HDAC7: variants seen among roughly 807,000 people sequenced by gnomAD.
HDAC7 encodes the protein histone deacetylase 7A.
A neutral mutation model predicts 115.5 loss-of-function variants in HDAC7; 26 were observed. The ratio of observed to expected loss-of-function variants is 0.23; its 90% CI spans 0.16 to 0.31. The LOEUF (loss-of-function observed/expected upper bound fraction) is 0.31, where lower values mean the gene tolerates loss of function less well. Ranked by LOEUF, HDAC7 falls within the 10% of genes least tolerant of loss-of-function variation. The pLI, the probability that HDAC7 is intolerant of heterozygous loss-of-function variation, is 1.00. For synonymous variants in HDAC7, 564 were observed against 550.9 expected (o/e 1.02, Z -0.33); for missense variants, 1,068 against 1,329.0 (o/e 0.80, Z 3.05).
In HDAC7 at chr12:47,783,800, G is replaced by A. The variant is rs1399929922; in HGVS notation, c.*41C>T. ...ATTGCCAGGGGTTAGAAGAGAACCA[G>A]GTCCCAAGGGCATGGTGGGCGGGCA... is the stretch of plus-strand genomic sequence containing the variant. On this transcript the variant is annotated 3_prime_UTR_variant, in exon 26 of 26. Transcript: ENST00000080059. 6.3e-7 allele frequency: 1 copy of A among 1,595,888 alleles called. No individual in the cohort carries two copies. The highest frequency in any genetic ancestry group is 8.6e-7 in the Non-Finnish European group (1 of 1,168,928).
rs1943963452 is a variant in HDAC7 at position 47,798,087 on chromosome 12, G to T, written c.461+21C>A. 3.2e-6 allele frequency: 5 copies of T among 1,550,332 alleles called. No individual in the cohort carries two copies. The East Asian group carries it at 1.1e-4, about 35-fold the overall frequency. On this transcript the variant is annotated intron_variant, in intron 5 of 25. Coordinates refer to ENST00000080059, the MANE Select transcript of HDAC7 (RefSeq NM_015401.5). The surrounding 1 kb of genome is among the most constrained non-coding windows in gnomAD (Gnocchi z 4.3). ...TGGAGGGTGCATGTGGGGACAGGAG[G>T]GCAGGTGAGGAGGGTGTTACCTGTA... is the stretch of plus-strand genomic sequence containing the variant.
At chr12:47,809,344 T>C (rs1592692601) in intron 1 of HDAC7, among the ~76,000 whole-genome samples, 1 of 152,302 alleles carries the variant, frequency 6.6e-6, no homozygotes, top group Admixed American at 6.5e-5. Context: ...GAGCGAGATG[T>C]GCCTTCCTCA....
At position 47,797,895 on chromosome 12, in the gene HDAC7, T is replaced by TGTGTGTGTGTGTGAGTGA. The variant is rs35753431; in HGVS notation, c.461+212_461+213insTCACTCACACACACACAC. Among the ~76,000 whole-genome samples the TGTGTGTGTGTGTGAGTGA allele has an allele frequency of 7.0e-6, 1 of 143,354 alleles. No individual in the cohort carries two copies. Among genetic ancestry groups the TGTGTGTGTGTGTGAGTGA allele is most frequent in the African/African-American group, 2.7e-5 (1 of 36,394 alleles). 94.0% of individuals were successfully genotyped at this position (143,354 alleles called of 152,430 possible). On this transcript the variant is annotated intron_variant, in intron 5 of 25. Transcript: ENST00000080059. This position sits in a 1 kb window ranked among gnomAD's most constrained non-coding sequence, Gnocchi z 5.5. ...GTGTGTGTGTGTGTGTGTGTGTGTG[T>TGTGTGTGTGTGTGAGTGA]GAGAAGGGCTCAGGTGGGGTGGGGA...
In HDAC7 at chr12:47,797,227, G is replaced by C. The variant is rs754348329; in HGVS notation, c.578-85C>G. ...CCCCTCAGTCCCAGTCATCTCTATC[G>C]GTCAAGGAAAGAGAAGGCAGAACTA... On this transcript the variant is annotated intron_variant, in intron 6 of 25. Coordinates refer to ENST00000080059, the MANE Select transcript of HDAC7 (RefSeq NM_015401.5). This position sits in a 1 kb window ranked among gnomAD's most constrained non-coding sequence, Gnocchi z 5.5. 1.3e-5 allele frequency: 21 copies of C among 1,557,112 alleles called. 1 individual carries two copies. The Admixed American group carries it at 3.1e-4, about 23-fold the overall frequency.
chr12:47,791,652 G>A lies in HDAC7; in HGVS notation c.1867C>T (p.Arg623Trp), dbSNP rs371014508. 52 of 1,613,210 alleles carry A rather than the reference G, an allele frequency of 3.2e-5. 1 individual carries two copies. The highest frequency in any genetic ancestry group is 7.7e-5 in the South Asian group (7 of 90,988). Reference sequence around the variant, plus strand: ...TTGGTGCCGTAGAGGAGCACGTGCCGCTCAGAGTGGACCGACTGCAGCTCT... The same window carrying A: ...TTGGTGCCGTAGAGGAGCACGTGCCACTCAGAGTGGACCGACTGCAGCTCT... ...LEELQSVHSE[R>W]HVLLYGTNPL... Residue 623 changes from arginine (R) to tryptophan (W), a missense_variant, in exon 15 of 26, where the codon CGG (arginine) becomes TGG (tryptophan). Physicochemically the swap from Arg to Trp is moderately radical, Grantham distance 101 (BLOSUM62 -3). Around this residue, in one of 6 missense-constraint regions of HDAC7, gnomAD observed 618 missense variants for 701.5 expected, o/e 0.88. Coordinates refer to ENST00000080059, the MANE Select transcript of HDAC7 (RefSeq NM_015401.5).
Position 47,783,848 on chromosome 12 carries a change from T to C in HDAC7, c.2969A>G (p.Asn990Ser). Residue 990 changes from asparagine (N) to serine (S), a missense_variant, in exon 26 of 26, where the codon AAT becomes AGT. Physicochemically the swap from Asn to Ser is conservative, Grantham distance 46 (BLOSUM62 1). Around this residue, in one of 6 missense-constraint regions of HDAC7, gnomAD observed 98 missense variants for 123.9 expected, o/e 0.79. Coordinates refer to ENST00000080059, the MANE Select transcript of HDAC7 (RefSeq NM_015401.5). Reference sequence around the variant, plus strand: ...GCAGATGGTTCCAGAGCCTTAGAGATTCATAGGTTCTTCCTCCTCCACCAG... The same window carrying C: ...GCAGATGGTTCCAGAGCCTTAGAGACTCATAGGTTCTTCCTCCTCCACCAG... ...EQLVEEEEPM[N>S]L The C allele has an allele frequency of 2.5e-6, 4 of 1,611,060 alleles. No individual in the cohort carries two copies. Among genetic ancestry groups the C allele is most frequent in the African/African-American group, 1.3e-5 (1 of 74,892 alleles).
In HDAC7 at chr12:47,797,294, CAGCCCG is replaced by C; in HGVS notation, c.577+84_577+89del. ...CTACCGATGATCTCCTGGCCCAGCC[CAGCCCG>C]CCCACCCCTGCACACTCCTCCCCCA... On this transcript the variant is annotated intron_variant, in intron 6 of 25. Transcript: ENST00000080059. This position sits in a 1 kb window ranked among gnomAD's most constrained non-coding sequence, Gnocchi z 5.5. The C allele has an allele frequency of 1.8e-5, 24 of 1,314,666 alleles. No individual in the cohort carries two copies. Among genetic ancestry groups the C allele is most frequent in the Non-Finnish European group, 2.5e-5 (23 of 930,262 alleles). The allele number at this position is 1,314,666 out of a possible 1,614,324, so 81.4% of individuals were successfully genotyped here.
In HDAC7 at chr12:47,798,135, T is replaced by C; in HGVS notation, c.434A>G (p.His145Arg). 3 of 1,613,676 alleles carry C rather than the reference T, an allele frequency of 1.9e-6. 1 individual carries two copies. In the Middle Eastern group the frequency reaches 4.9e-4, roughly 266 times the overall value. Reference protein sequence around the residue: ...KQQAALERTVHPNSPGIPYRT... With the variant: ...KQQAALERTVRPNSPGIPYRT... ...GTAGGGAATGCCGGGGCTGTTGGGA[T>C]GGACTGTTCTTTCTAGGGCCGCCTG... is the stretch of plus-strand genomic sequence containing the variant. The change falls in exon 5 of 26, where the codon CAT becomes CGT. Residue 145 changes from histidine (H) to arginine (R), a missense_variant. Physicochemically the swap from His to Arg is conservative, Grantham distance 29. Transcript: ENST00000080059. This position sits in a 1 kb window ranked among gnomAD's most constrained non-coding sequence, Gnocchi z 4.3.
In HDAC7 at chr12:47,795,370, A is replaced by C. The variant is rs1435417658; in HGVS notation, c.1098T>G (p.Leu366=). The C allele has an allele frequency of 6.3e-7, 1 of 1,598,158 alleles. No individual in the cohort carries two copies. The highest frequency in any genetic ancestry group is 1.7e-5 in the Admixed American group (1 of 57,386). The part of the protein sequence containing the change: ...SHAPLLTVPG[L]GPLPFHFAQS... ...GGGCAAAGTGGAAGGGCAAGGGCCC[A>C]AGCCCGGGCACTGGAAAGAATCGGG... Residue 366 remains leucine (L), a synonymous_variant, in exon 11 of 26, where the codon CTT becomes CTG. Coordinates refer to ENST00000080059, the MANE Select transcript of HDAC7 (RefSeq NM_015401.5). This position sits in a 1 kb window ranked among gnomAD's most constrained non-coding sequence, Gnocchi z 4.3.
At chr12:47,807,286 C>G (rs1381114537) in intron 1 of HDAC7, among the ~76,000 whole-genome samples, 1 of 152,210 alleles carries the variant, frequency 6.6e-6, no homozygotes, top group Non-Finnish European at 1.5e-5. Flanking sequence ...ATGCTCTCTT[C>G]CCTTTCTCTT....
At chr12:47,791,436 G>A in intron 15 of HDAC7, 128 bp from the exon 16 acceptor site, 1 of 1,366,932 alleles carries the variant, frequency 7.3e-7, no homozygotes, top group Non-Finnish European at 1.0e-6. Flanking sequence ...GAGAGGTGGA[G>A]GTGGGCTGAG....
intron 12 of HDAC7, among the ~76,000 whole-genome samples, 158 bp downstream of exon 12, chr12:47,794,602 C>T (rs921241542): frequency 5.3e-5 from 8 of 152,164 alleles, no homozygotes; most frequent in Non-Finnish European, 1.2e-4. Context: ...TGTGCCTACA[C>T]CTTAGTGTGG....
Position 47,797,895 on chromosome 12 carries a change from T to TGTGAGA in HDAC7, c.461+212_461+213insTCTCAC, listed in dbSNP as rs35753431. Among the ~76,000 whole-genome samples, 53 of 143,462 alleles carry TGTGAGA rather than the reference T, an allele frequency of 3.7e-4. 1 individual carries two copies. The highest frequency in any genetic ancestry group is 1.4e-3 in the African/African-American group (51 of 36,508). The allele number at this position is 143,462 out of a possible 152,430, so 94.1% of individuals were successfully genotyped here. On this transcript the variant is annotated intron_variant, in intron 5 of 25. Transcript: ENST00000080059. This position sits in a 1 kb window ranked among gnomAD's most constrained non-coding sequence, Gnocchi z 5.5. ...GTGTGTGTGTGTGTGTGTGTGTGTG[T>TGTGAGA]GAGAAGGGCTCAGGTGGGGTGGGGA...
chr12:47,802,400 C>T (rs755370903), intron 1 of HDAC7, 126 bp from the exon 2 acceptor site: 53 of 1,536,516 alleles, frequency 3.4e-5, no homozygotes, highest in Non-Finnish European at 3.9e-5. Context: ...AGCCTGGGAC[C>T]TCCACCAGAA....
chr12:47,817,174 C>T (rs1944874535), intron 1 of HDAC7, among the ~76,000 whole-genome samples: 1 of 152,238 alleles, frequency 6.6e-6, no homozygotes. Context: ...GTGTTGCCCA[C>T]CCCCAGCTCA....
chr12:47,790,061 G>A (rs1214053675), intron 16 of HDAC7, 141 bp from the exon 17 acceptor site: 7 of 641,078 alleles, frequency 1.1e-5, no homozygotes, highest in South Asian at 5.1e-5. Flanking sequence ...GTGCCCCACC[G>A]CCCAAAGGCA....
chr12:47,788,199 A>C (rs1943277861), intron 19 of HDAC7, 35 bp from the exon 20 acceptor site: 1 of 1,578,436 alleles, frequency 6.3e-7, no homozygotes, highest in Admixed American at 1.8e-5. Flanking sequence ...TAGGGAAGGC[A>C]GAGAGATGGG....
rs1303774377 is a variant in HDAC7 at position 47,782,946 on chromosome 12, G to C, written c.*895C>G. The C allele has an allele frequency of 1.3e-5, 2 of 152,830 alleles. No homozygotes were observed. The highest frequency in any genetic ancestry group is 4.8e-5 in the African/African-American group (2 of 41,376). The allele number at this position is 152,830 out of a possible 1,614,324, so 9.5% of individuals were successfully genotyped here. ...CCCAAAAGCCTTGAAGACTTTGCCA[G>C]AGCAGCCTCCCCTCCTCCATGTCTG... On this transcript the variant is annotated 3_prime_UTR_variant, in exon 26 of 26. Transcript: ENST00000080059.
chr12:47,802,302 G>T (rs761475441), intron 1 of HDAC7, 28 bp from the exon 2 acceptor site: 10 of 1,609,026 alleles, frequency 6.2e-6, no homozygotes, highest in African/African-American at 1.3e-5. Flanking sequence ...GAGTGAAAGA[G>T]CTGCAGGGAG....
Sources: allele counts gnomAD v4.1 joint callset (sites outside exome capture counted in the v4.1 genomes callset), GRCh38; gene constraint gnomAD v4.1.1; regional missense constraint gnomAD v4.1.1; non-coding constraint Gnocchi (gnomAD v3.1); transcripts MANE v1.5; gene names NCBI Gene and HGNC (gene_info 2026-07-23, HGNC 2026-07-21).